The following TMEM132B variants were observed in gnomAD, a reference collection of about 807,000 sequenced individuals.
The protein encoded by TMEM132B is transmembrane protein 132B.
Under a neutral mutation model 90.8 loss-of-function variants are expected in TMEM132B, and 18 were observed. The ratio of observed to expected loss-of-function variants is 0.20; its 90% CI spans 0.14 to 0.29. The LOEUF is 0.29. Among genes scored for constraint, TMEM132B ranks in the 10% least tolerant of loss-of-function variants. The pLI, the probability that TMEM132B is intolerant of heterozygous loss-of-function variation, is 1.00. For missense variants in TMEM132B, 1,096 were observed against 1,326.8 expected, an observed-to-expected ratio of 0.83 and a Z score of 2.70; for synonymous variants, 504 against 523.3, an observed-to-expected ratio of 0.96 and a Z score of 0.50.
chr12:125,437,316 G>A (rs1880735601), intron 3 of TMEM132B, among the ~76,000 whole-genome samples: 1 of 152,170 alleles, frequency 6.6e-6, no homozygotes, highest in Non-Finnish European at 1.5e-5. Flanking sequence ...TCAACACAAG[G>A]CAGCTACTTT....
intron 1 of TMEM132B, among the ~76,000 whole-genome samples, chr12:125,233,964 A>G (rs891597941): frequency 1.3e-5 from 2 of 152,202 alleles, no homozygotes; most frequent in Non-Finnish European, 2.9e-5. Context: ...TATAGGGGAT[A>G]GGAATTTCTC....
At chr12:125,247,671 C>T (rs1185006035) in intron 1 of TMEM132B, among the ~76,000 whole-genome samples, 1 of 152,106 alleles carries the variant, frequency 6.6e-6, no homozygotes, top group East Asian at 1.9e-4. Flanking sequence ...CTAATCAGAG[C>T]ACAGCAGCCC....
chr12:125,247,390 G>C (rs533877609), intron 1 of TMEM132B, among the ~76,000 whole-genome samples: 1 of 152,116 alleles, frequency 6.6e-6, no homozygotes, highest in African/African-American at 2.4e-5. Context: ...GATCTTTGGA[G>C]GTTCTCCTAA....
chr12:125,548,106 C>T (rs770294819), intron 4 of TMEM132B, among the ~76,000 whole-genome samples: 10 of 152,114 alleles, frequency 6.6e-5, no homozygotes, highest in South Asian at 2.1e-4. Flanking sequence ...AGAGGTCTGC[C>T]CCCACCAAAG....
chr12:125,390,942 T>TAGAA (rs1369138626), intron 2 of TMEM132B, among the ~76,000 whole-genome samples: 1 of 152,096 alleles, frequency 6.6e-6, no homozygotes, highest in Non-Finnish European at 1.5e-5. Flanking sequence ...CAGCAGGAGG[T>TAGAA]AACTAACCTA....
chr12:125,464,151 C>T (rs989880803), intron 3 of TMEM132B, among the ~76,000 whole-genome samples: 2 of 152,104 alleles, frequency 1.3e-5, no homozygotes, highest in African/African-American at 2.4e-5. Context: ...AAAAGGTGAC[C>T]CTAAAACTAA....
At chr12:125,565,467 A>G (rs1397372830) in intron 4 of TMEM132B, among the ~76,000 whole-genome samples, 2 of 152,194 alleles carry the variant, frequency 1.3e-5, no homozygotes, top group African/African-American at 4.8e-5. Flanking sequence ...GTGATGGCTT[A>G]AGTGTTAACC....
intron 1 of TMEM132B, among the ~76,000 whole-genome samples, chr12:125,234,024 T>C (rs1194423660): frequency 6.6e-6 from 1 of 152,236 alleles, no homozygotes; most frequent in Non-Finnish European, 1.5e-5. Context: ...TCTTTCCCAC[T>C]GGACACCAAA....
At chr12:125,366,628 A>G (rs147055814) in intron 2 of TMEM132B, among the ~76,000 whole-genome samples, 1 of 152,262 alleles carries the variant, frequency 6.6e-6, no homozygotes, top group African/African-American at 2.4e-5. Context: ...GTTTAGCTAC[A>G]ATGTGCAGAG....
intron 5 of TMEM132B, among the ~76,000 whole-genome samples, chr12:125,613,681 C>A (rs1182249088): frequency 6.6e-6 from 1 of 151,876 alleles, no homozygotes; most frequent in Non-Finnish European, 1.5e-5. Context: ...TATATAACTT[C>A]TTCCTATTAC....
In TMEM132B at chr12:125,256,077, G is replaced by A. The variant is rs1053165295; in HGVS notation, c.67+69211G>A. 1.5e-4 allele frequency among the ~76,000 whole-genome samples: 23 copies of A among 152,122 alleles called. No individual in the cohort carries two copies. In the East Asian group the frequency reaches 1.7e-3, roughly 11 times the overall value. The stretch of plus-strand genomic sequence containing the variant: ...GAAGCGATTCTGGGTCAGTCAGTGC[G>A]TTCATGTCCTGGCCCCTGTCATCAA... On this transcript the variant is annotated intron_variant, in intron 1 of 8. Transcript: ENST00000682704.
chr12:125,237,388 C>T (rs189034813), intron 1 of TMEM132B, among the ~76,000 whole-genome samples: 2 of 152,290 alleles, frequency 1.3e-5, no homozygotes, highest in Admixed American at 1.3e-4. Context: ...TGTTCTCTCT[C>T]CTACCACCCT....
chr12:125,641,297 G>A (rs1358162742), intron 5 of TMEM132B, among the ~76,000 whole-genome samples: 1 of 152,188 alleles, frequency 6.6e-6, no homozygotes, highest in Non-Finnish European at 1.5e-5. Flanking sequence ...ACTGACTTTG[G>A]GGTTACAAAT....
intron 5 of TMEM132B, 28 bp from the exon 6 acceptor site, chr12:125,644,048 A>G (rs998974503): frequency 3.1e-6 from 5 of 1,604,406 alleles, no homozygotes; most frequent in Non-Finnish European, 4.3e-6. Flanking sequence ...CTACTGATGC[A>G]TCTCAAGGTT....
At chr12:125,280,981 A>G (rs1875151552) in intron 1 of TMEM132B, among the ~76,000 whole-genome samples, 2 of 152,224 alleles carry the variant, frequency 1.3e-5, no homozygotes. Flanking sequence ...TTTCCATGAC[A>G]ACAATTCAAT....
intron 1 of TMEM132B, among the ~76,000 whole-genome samples, chr12:125,190,345 A>T (rs1957789594): frequency 6.6e-6 from 1 of 151,816 alleles, no homozygotes. Flanking sequence ...CAAATCCGAA[A>T]GTTAGAGAGC....
chr12:125,587,489 C>A (rs1885209021), intron 5 of TMEM132B: 1 of 152,122 alleles, frequency 6.6e-6, no homozygotes, highest in Non-Finnish European at 1.5e-5. Context: ...GCACAGAAAT[C>A]TGGATTTACA....
chr12:125,422,327 A>G (rs1291714652), intron 3 of TMEM132B, among the ~76,000 whole-genome samples: 1 of 152,242 alleles, frequency 6.6e-6, no homozygotes, highest in Non-Finnish European at 1.5e-5. Context: ...CCATGCTTAA[A>G]CTGCCATCCT....
At chr12:125,457,793 G>A (rs1881332280) in intron 3 of TMEM132B, among the ~76,000 whole-genome samples, 1 of 152,182 alleles carries the variant, frequency 6.6e-6, no homozygotes, top group South Asian at 2.1e-4. Flanking sequence ...ATTCAGGTGA[G>A]CATGATGCAA....
Sources: gnomAD v4.1 joint callset for allele counts (sites outside exome capture counted in the v4.1 genomes callset) on GRCh38, gnomAD v4.1.1 for gene constraint, MANE v1.5 for transcripts, NCBI Gene and HGNC (gene_info 2026-07-23, HGNC 2026-07-21) for gene names.